Variants in DNAH6 observed in about 807,000 individuals in gnomAD.
The protein encoded by DNAH6 is axonemal beta dynein heavy chain 6.
In DNAH6, 340 loss-of-function variants were observed where a neutral mutation model predicts 491.4. That is an observed-to-expected ratio of 0.69 (90% CI 0.63 to 0.76). DNAH6 has a LOEUF of 0.76. DNAH6 is among the 30% of genes least tolerant of loss of function. The pLI is 0.00. For synonymous variants in DNAH6, 1,603 were observed against 1,686.1 expected (o/e 0.95, Z 1.21); for missense variants, 4,443 against 4,972.2 (o/e 0.89, Z 3.20).
At chr2:84,567,764 A>C (rs1437195244) in intron 11 of DNAH6, among the ~76,000 whole-genome samples, 1 of 152,192 alleles carries the variant, frequency 6.6e-6, no homozygotes, top group Non-Finnish European at 1.5e-5. Flanking sequence ...AAAACATCAA[A>C]AGCAATTGCA....
intron 60 of DNAH6, among the ~76,000 whole-genome samples, chr2:84,723,525 C>T (rs557797417): frequency 3.9e-4 from 60 of 152,282 alleles, no homozygotes; most frequent in African/African-American, 1.4e-3. Flanking sequence ...TTTAGACATC[C>T]TCTGCAGTAA....
chr2:84,477,224 G>T, the DNAH6 span, among the ~76,000 whole-genome samples: 2 of 152,208 alleles, frequency 1.3e-5, no homozygotes, highest in Non-Finnish European at 2.9e-5. Context: ...GGTCAAAAGG[G>T]CAGGCTCATG....
intron 31 of DNAH6, among the ~76,000 whole-genome samples, chr2:84,639,487 C>T (rs1042765585): frequency 6.8e-6 from 1 of 147,296 alleles, no homozygotes; most frequent in Non-Finnish European, 1.5e-5. Flanking sequence ...GGCACGATCT[C>T]GGCTCACTGC....
In DNAH6 at chr2:84,745,165, G is replaced by A; in HGVS notation, c.10428G>A (p.Lys3476=). 6.5e-7 allele frequency: 1 copy of A among 1,550,060 alleles called. No homozygotes were observed. The highest frequency in any genetic ancestry group is 1.2e-5 in the South Asian group (1 of 83,804). Reference sequence around the variant, plus strand: ...AAGATAAACACATGAGACAGGAAAAGGAGGCAGCACACCAAGATCCATGGA... The same window carrying A: ...AAGATAAACACATGAGACAGGAAAAAGAGGCAGCACACCAAGATCCATGGA... ...KHEDKHMRQE[K]EAAHQDPWSA... is the part of the protein sequence containing the mutation. The change falls in exon 63 of 77, where the codon AAG becomes AAA. Residue 3476 remains lysine, a synonymous_variant. Transcript: ENST00000389394.
At position 84,819,402 on chromosome 2, in the gene DNAH6, C is replaced by A; in HGVS notation, c.12471C>A (p.Ser4157Arg). The A allele has an allele frequency of 3.2e-6, 5 of 1,549,078 alleles. No homozygotes were observed. The highest frequency in any genetic ancestry group is 3.5e-6 in the Non-Finnish European group (4 of 1,145,262). ...GATCAGCTTTGCTCTGCCAGCTGAG[C>A]GAATGAAAAGGTGCCACCTCAGCCC... ...AKGSALLCQL[S>R]E is the part of the protein sequence containing the mutation. Residue 4157 changes from serine to arginine, a missense_variant, in exon 77 of 77, where the codon AGC becomes AGA. Transcript: ENST00000389394.
chr2:84,677,186 G>A, intron 41 of DNAH6, 50 bp downstream of exon 41: 2 of 1,548,616 alleles, frequency 1.3e-6, no homozygotes, highest in Non-Finnish European at 1.7e-6. Context: ...AAGCATATTT[G>A]TTCCAAGGCT....
At position 84,808,533 on chromosome 2, in the gene DNAH6, G is replaced by A; in HGVS notation, c.11730G>A (p.Lys3910=). 1.3e-6 allele frequency: 2 copies of A among 1,551,718 alleles called. No individual in the cohort carries two copies. The highest frequency in any genetic ancestry group is 1.7e-6 in the Non-Finnish European group (2 of 1,146,952). ...TGGACCGGTTTAACAACCTGCTGAA[G>A]TTAATTCATGTATGAGAGCTTACTT... is the stretch of plus-strand genomic sequence containing the variant. The part of the protein sequence containing the change: ...QEVDRFNNLL[K]LIHTSLETLN... The change falls in exon 72 of 77, where the codon AAG becomes AAA. Residue 3910 remains lysine, a synonymous_variant. Transcript: ENST00000389394.
At chr2:84,555,862 T>C (rs1679969953) in intron 10 of DNAH6, among the ~76,000 whole-genome samples, 1 of 152,142 alleles carries the variant, frequency 6.6e-6, no homozygotes, top group African/African-American at 2.4e-5. Flanking sequence ...TCATCAGCTC[T>C]TGTGTGCTGA....
chr2:84,604,164 T>C (rs1220209160), intron 18 of DNAH6, among the ~76,000 whole-genome samples, 175 bp from the exon 19 acceptor site: 1 of 152,204 alleles, frequency 6.6e-6, no homozygotes, highest in Non-Finnish European at 1.5e-5. Context: ...CAAACTTGGT[T>C]TTCTAATAGG....
chr2:84,574,233 T>A (rs1682201300), intron 12 of DNAH6, among the ~76,000 whole-genome samples: 2 of 152,090 alleles, frequency 1.3e-5, no homozygotes, highest in South Asian at 4.1e-4. Flanking sequence ...TAAATATAAT[T>A]ACAATTACAT....
chr2:84,673,510 T>G (rs747601327), intron 40 of DNAH6, among the ~76,000 whole-genome samples: 1 of 152,118 alleles, frequency 6.6e-6, no homozygotes, highest in Non-Finnish European at 1.5e-5. Flanking sequence ...TAGTCAGGGT[T>G]CTCTAGAGGG....
chr2:84,697,915 TC>T (rs1695545691), intron 47 of DNAH6, 188 bp downstream of exon 47: 1 of 627,524 alleles, frequency 1.6e-6, no homozygotes, highest in Non-Finnish European at 2.7e-6. Context: ...TCCAGAAAGT[TC>T]TGTGGGAAGC....
intron 41 of DNAH6, among the ~76,000 whole-genome samples, chr2:84,678,894 CT>C (rs1162756742): frequency 1.3e-5 from 2 of 152,186 alleles, no homozygotes; most frequent in Non-Finnish European, 2.9e-5. Flanking sequence ...GAATATTGCT[CT>C]CATTACAACG....
chr2:84,584,350 AC>A, intron 15 of DNAH6, 100 bp downstream of exon 15: 8 of 1,176,714 alleles, frequency 6.8e-6, no homozygotes, highest in South Asian at 1.6e-5. Flanking sequence ...GTATATATTT[AC>A]AATATATAAT....
At chr2:84,466,762 A>G in the DNAH6 span, among the ~76,000 whole-genome samples, 21 of 152,228 alleles carry the variant, frequency 1.4e-4, no homozygotes, top group Non-Finnish European at 2.6e-4. Flanking sequence ...ACCAACTTCT[A>G]AAGAGGATTA....
At chr2:84,477,929 C>T in the DNAH6 span, among the ~76,000 whole-genome samples, 1 of 152,230 alleles carries the variant, frequency 6.6e-6, no homozygotes, top group Non-Finnish European at 1.5e-5. Flanking sequence ...GTTCTGACAA[C>T]TTCTTTCTGG....
chr2:84,632,212 G>A (rs1342493418), intron 29 of DNAH6, among the ~76,000 whole-genome samples: 1 of 152,206 alleles, frequency 6.6e-6, no homozygotes, highest in African/African-American at 2.4e-5. Flanking sequence ...CACCCTGGAG[G>A]TTTTTGCATC....
chr2:84,749,810 A>G (rs539302179), intron 63 of DNAH6, among the ~76,000 whole-genome samples: 1 of 152,376 alleles, frequency 6.6e-6, no homozygotes, highest in Non-Finnish European at 1.5e-5. Context: ...AAATAAAGAC[A>G]TTGAAGCTAG....
chr2:84,580,269 A>G (rs1273006597), intron 14 of DNAH6, among the ~76,000 whole-genome samples: 1 of 152,028 alleles, frequency 6.6e-6, no homozygotes. Flanking sequence ...AATGATGCAG[A>G]TGGAATCAGG....
Sources: gnomAD v4.1 joint callset for allele counts (sites outside exome capture counted in the v4.1 genomes callset) on GRCh38, gnomAD v4.1.1 for gene constraint, MANE v1.5 for transcripts, NCBI Gene and HGNC (gene_info 2026-07-23, HGNC 2026-07-21) for gene names.